The following PIBF1 variants were observed in gnomAD, a reference collection of about 807,000 sequenced individuals.
PIBF1 encodes the protein progesterone-induced-blocking factor 1.
A neutral mutation model predicts 112.5 loss-of-function variants in PIBF1; 90 were observed. That is an observed-to-expected ratio of 0.80 (90% CI 0.67 to 0.95). The LOEUF (loss-of-function observed/expected upper bound fraction) is 0.95, where lower values mean the gene tolerates loss of function less well. PIBF1 is among the 40% of genes least tolerant of loss of function. The probability of loss-of-function intolerance (pLI) is 0.00; values close to 1 mark genes in which losing one functional copy is unlikely to be tolerated. For synonymous variants in PIBF1, 301 were observed against 288.6 expected (o/e 1.04, Z -0.44); for missense variants, 915 against 852.3 (o/e 1.07, Z -0.92).
intron 14 of PIBF1, among the ~76,000 whole-genome samples, chr13:72,951,558 G>A (rs184371956): frequency 4.3e-4 from 65 of 152,168 alleles, no homozygotes; most frequent in African/African-American, 1.5e-3. Context: ...TTAAAAATAG[G>A]CAAAGACAAT....
At chr13:72,898,385 A>G (rs2040359849) in intron 11 of PIBF1, among the ~76,000 whole-genome samples, 1 of 152,022 alleles carries the variant, frequency 6.6e-6, no homozygotes. Flanking sequence ...CAGACAATCT[A>G]AGGTCACACC....
At chr13:72,972,164 G>T (rs763347528) in intron 15 of PIBF1, among the ~76,000 whole-genome samples, 2 of 151,638 alleles carry the variant, frequency 1.3e-5, no homozygotes, top group Non-Finnish European at 2.9e-5. Flanking sequence ...CTTTGATGTA[G>T]CTGGGACTAA....
At chr13:72,958,758 C>T (rs892270353) in intron 14 of PIBF1, among the ~76,000 whole-genome samples, 3 of 152,072 alleles carry the variant, frequency 2.0e-5, no homozygotes, top group African/African-American at 7.2e-5. Flanking sequence ...ATGTTAATCA[C>T]GTGGGAACAT....
intron 13 of PIBF1, among the ~76,000 whole-genome samples, chr13:72,918,382 TA>T (rs1318521063): frequency 5.2e-5 from 6 of 116,102 alleles, no homozygotes; most frequent in Non-Finnish European, 8.4e-5. Flanking sequence ...AGCAACTACC[TA>T]TTTTTTTTTT....
chr13:72,981,449 A>G (rs1256131155), intron 16 of PIBF1, among the ~76,000 whole-genome samples: 1 of 152,112 alleles, frequency 6.6e-6, no homozygotes, highest in Non-Finnish European at 1.5e-5. Flanking sequence ...AGTCATGGGA[A>G]TCAGCTTTAG....
intron 13 of PIBF1, among the ~76,000 whole-genome samples, chr13:72,927,768 TATA>T (rs2041536004): frequency 6.6e-6 from 1 of 150,994 alleles, no homozygotes; most frequent in South Asian, 2.1e-4. Flanking sequence ...TAAATCTTAA[TATA>T]ATCTCTTATA....
intron 9 of PIBF1, among the ~76,000 whole-genome samples, chr13:72,842,387 AAG>A (rs1352347745): frequency 2.0e-5 from 3 of 152,212 alleles, no homozygotes; most frequent in African/African-American, 7.2e-5. Context: ...AGTAGAGAAA[AAG>A]AGATTGAAAA....
intron 8 of PIBF1, among the ~76,000 whole-genome samples, chr13:72,833,167 C>T (rs542771839): frequency 3.3e-5 from 5 of 152,288 alleles, no homozygotes; most frequent in Non-Finnish European, 5.9e-5. Flanking sequence ...AGCAATTTGT[C>T]TAACCTTTTT....
chr13:72,985,505 C>T lies in PIBF1; in HGVS notation c.2049+11830C>T, dbSNP rs1420996737. Among the ~76,000 whole-genome samples, 4 of 151,600 alleles carry T rather than the reference C, an allele frequency of 2.6e-5. No individual in the cohort carries two copies. The East Asian group carries it at 7.8e-4, about 30-fold the overall frequency. ...AGTGCAGTGAGCCAAGATCACACTACTGCACTCCAGCGTGGGCAACAGGGT... is the reference window on the plus strand; with the variant it reads ...AGTGCAGTGAGCCAAGATCACACTATTGCACTCCAGCGTGGGCAACAGGGT... On this transcript the variant is annotated intron_variant, in intron 16 of 17. Coordinates refer to ENST00000326291, the MANE Select transcript of PIBF1 (RefSeq NM_006346.4).
At chr13:72,853,749 G>A (rs554108189) in intron 9 of PIBF1, among the ~76,000 whole-genome samples, 6 of 152,200 alleles carry the variant, frequency 3.9e-5, no homozygotes, top group Admixed American at 3.3e-4. Context: ...GATAATATAT[G>A]AATAATTACA....
chr13:72,871,194 C>T (rs2039147968), intron 10 of PIBF1, among the ~76,000 whole-genome samples: 1 of 152,014 alleles, frequency 6.6e-6, no homozygotes, highest in East Asian at 1.9e-4. Context: ...CTATTGCCAT[C>T]CTCCATCCCT....
intron 16 of PIBF1, among the ~76,000 whole-genome samples, chr13:72,986,779 T>C (rs954925588): frequency 6.7e-6 from 1 of 150,114 alleles, no homozygotes; most frequent in Non-Finnish European, 1.5e-5. Flanking sequence ...CAAGCTCCGC[T>C]TCCCGGGTTC....
chr13:73,004,764 G>T (rs1314259038), intron 17 of PIBF1, among the ~76,000 whole-genome samples: 5 of 152,148 alleles, frequency 3.3e-5, no homozygotes, highest in Non-Finnish European at 7.3e-5. Flanking sequence ...GGGGCTAGGG[G>T]GTATGGGGAT....
chr13:73,011,094 T>C (rs1213967159), intron 17 of PIBF1, among the ~76,000 whole-genome samples: 1 of 152,114 alleles, frequency 6.6e-6, no homozygotes. Flanking sequence ...CCCAAAGTGC[T>C]GGGATTACAG....
chr13:72,869,653 A>G (rs994714714), intron 10 of PIBF1, among the ~76,000 whole-genome samples: 1 of 151,882 alleles, frequency 6.6e-6, no homozygotes, highest in Non-Finnish European at 1.5e-5. Context: ...AAAATAAAAA[A>G]TAAAGCATTC....
intron 9 of PIBF1, among the ~76,000 whole-genome samples, chr13:72,845,829 A>C (rs2037846945): frequency 6.6e-6 from 1 of 152,078 alleles, no homozygotes; most frequent in South Asian, 2.1e-4. Context: ...CATATCCACT[A>C]TCAAGCCTTT....
intron 14 of PIBF1, among the ~76,000 whole-genome samples, chr13:72,955,614 T>TAC (rs376755302): frequency 6.6e-4 from 100 of 151,516 alleles, no homozygotes; most frequent in African/African-American, 2.2e-3. Flanking sequence ...CACACATACA[T>TAC]ACACACACAC....
intron 2 of PIBF1, among the ~76,000 whole-genome samples, chr13:72,790,468 T>A (rs1377842361): frequency 8.8e-6 from 1 of 114,176 alleles, no homozygotes; most frequent in Non-Finnish European, 1.9e-5. Flanking sequence ...CACACACTTA[T>A]AGATAGATCA....
At chr13:72,929,867 T>C (rs2041648271) in intron 13 of PIBF1, among the ~76,000 whole-genome samples, 1 of 152,184 alleles carries the variant, frequency 6.6e-6, no homozygotes, top group Admixed American at 6.5e-5. Context: ...TTTATTATTA[T>C]TATTATTTTT....
Sources: allele counts gnomAD v4.1 joint callset (sites outside exome capture counted in the v4.1 genomes callset), GRCh38; gene constraint gnomAD v4.1.1; transcripts MANE v1.5; gene names NCBI Gene and HGNC (gene_info 2026-07-23, HGNC 2026-07-21).